Variants in CRYAB observed in about 807,000 individuals in gnomAD.
CRYAB encodes the protein crystallin alpha B.
Under a neutral mutation model 12.7 loss-of-function variants are expected in CRYAB, and 9 were observed. The observed-to-expected ratio is 0.71, with a 90% CI of 0.43 to 1.24. CRYAB has a LOEUF of 1.24. Ranked by LOEUF, CRYAB falls within the 50% of genes most tolerant of loss-of-function variation. CRYAB has a pLI of 0.00. For missense variants in CRYAB, 183 were observed against 226.6 expected, an observed-to-expected ratio of 0.81 and a Z score of 1.24; for synonymous variants, 93 against 86.8, an observed-to-expected ratio of 1.07 and a Z score of -0.40.
chr11:111,918,679 T>C, intron 1 of CRYAB: 1 of 683,610 alleles, frequency 1.5e-6, no homozygotes, highest in East Asian at 2.7e-5. Context: ...CTATCTCAGG[T>C]TTCTTTTTAT....
chr11:111,909,679 G>A (rs1555165338), intron 2 of CRYAB: 2 of 204,298 alleles, frequency 9.8e-6, no homozygotes, highest in East Asian at 1.2e-4. Context: ...GGGCTGTAGG[G>A]GATTAAAGAC....
chr11:111,911,514 G>C lies in CRYAB; in HGVS notation c.201+10C>G, dbSNP rs2137384200. ...AAGGACTCTCCCGTCCTAGCTGTGG[G>C]GAGACTCACCTCTGAGAGTCCAGTG... On this transcript the variant is annotated intron_variant, in intron 1 of 2. Transcript: ENST00000650687. The C allele has an allele frequency of 6.2e-7, 1 of 1,605,110 alleles. No homozygotes were observed. The highest frequency in any genetic ancestry group is 8.5e-7 in the Non-Finnish European group (1 of 1,176,386).
upstream of CRYAB, chr11:111,913,339 C>G: frequency 1.1e-6 from 1 of 890,436 alleles, no homozygotes; most frequent in Non-Finnish European, 1.8e-6. Flanking sequence ...TCCTGACTCC[C>G]CTCTTGCTCT....
intron 1 of CRYAB, among the ~76,000 whole-genome samples, chr11:111,922,804 C>T (rs1965721984): frequency 6.6e-6 from 1 of 152,140 alleles, no homozygotes; most frequent in African/African-American, 2.4e-5. Flanking sequence ...TATGGAATTG[C>T]TACATCAGAG....
chr11:111,912,675 A>AACC, upstream of CRYAB: 2 of 379,180 alleles, frequency 5.3e-6, no homozygotes. Flanking sequence ...CCCCACTCCC[A>AACC]GCCCCTCCCC....
chr11:111,916,365 AG>A (rs1555166128), upstream of CRYAB, among the ~76,000 whole-genome samples: 1 of 151,696 alleles, frequency 6.6e-6, no homozygotes, highest in African/African-American at 2.4e-5. Flanking sequence ...TGAGTAACTG[AG>A]GCTACAGGCA....
At position 111,919,232 on chromosome 11, in the gene CRYAB, T is replaced by C. The variant is rs1965647614; in HGVS notation, c.-199+4471A>G. The C allele has an allele frequency of 5.4e-6, 3 of 559,008 alleles. No individual in the cohort carries two copies. The East Asian group carries it at 9.0e-5, about 17-fold the overall frequency. 34.6% of individuals were successfully genotyped at this position (559,008 alleles called of 1,614,324 possible). The stretch of plus-strand genomic sequence containing the variant: ...GCTCACGCCTCTACTCCCAGCACTT[T>C]GGGAGGCCGAGGCCGGCGGATCACG... On this transcript the variant is annotated intron_variant, in intron 1 of 3. Coordinates refer to the CRYAB transcript ENST00000527950.
upstream of CRYAB, chr11:111,913,405 C>T (rs1847640208): frequency 1.3e-6 from 2 of 1,521,542 alleles, no homozygotes; most frequent in South Asian, 1.2e-5. Context: ...CCTCATCCTC[C>T]CTCATCCTGC....
At position 111,910,343 on chromosome 11, in the gene CRYAB, T is replaced by A; in HGVS notation, c.308A>T (p.Lys103Ile). The A allele has an allele frequency of 6.2e-7, 1 of 1,614,216 alleles. No homozygotes were observed. The highest frequency in any genetic ancestry group is 8.5e-7 in the Non-Finnish European group (1 of 1,180,040). ...GCTACATACCTGGCGCTCTTCATGTTTTCCATGCACCTCAATCACATCTCC... is the reference window on the plus strand; with the variant it reads ...GCTACATACCTGGCGCTCTTCATGTATTCCATGCACCTCAATCACATCTCC... ...VLGDVIEVHGKHEERQDEHGF... is the reference protein window; with the variant it reads ...VLGDVIEVHGIHEERQDEHGF... Residue 103 changes from lysine to isoleucine, a missense_variant, in exon 2 of 3, where the codon AAA (lysine) becomes ATA (isoleucine). Physicochemically the swap from Lys to Ile is moderately radical, Grantham distance 102. Transcript: ENST00000650687.
intron 2 of CRYAB, chr11:111,910,008 C>T (rs373885585): frequency 3.6e-5 from 22 of 612,374 alleles, no homozygotes; most frequent in East Asian, 2.7e-4. Context: ...GGAGTATGCC[C>T]GAGCATTAGG....
chr11:111,916,610 C>T (rs1371461325), upstream of CRYAB, among the ~76,000 whole-genome samples: 1 of 152,210 alleles, frequency 6.6e-6, no homozygotes, highest in Non-Finnish European at 1.5e-5. Flanking sequence ...TGCCTTTTGA[C>T]AACGTAACTT....
At chr11:111,913,019 T>G, upstream of CRYAB, 5 of 841,442 alleles carry the variant, frequency 5.9e-6, no homozygotes, top group South Asian at 6.2e-5. Flanking sequence ...CACTCTGGGC[T>G]TAACTGATCT....
At chr11:111,912,260 C>T (rs2137386323), upstream of CRYAB, 1 of 187,628 alleles carries the variant, frequency 5.3e-6, no homozygotes, top group African/African-American at 2.3e-5. Flanking sequence ...AACATGTCAG[C>T]ACCAGCCATC....
upstream of CRYAB, chr11:111,911,784 G>T (rs1350247560): frequency 7.6e-6 from 9 of 1,178,036 alleles, no homozygotes; most frequent in African/African-American, 1.5e-5. Flanking sequence ...TGCAGCTACA[G>T]CCAGCCCCTT....
At chr11:111,909,824 T>C (rs370851170) in intron 2 of CRYAB, 31 of 289,038 alleles carry the variant, frequency 1.1e-4, no homozygotes, top group African/African-American at 6.1e-4. Context: ...GTTAATGTAA[T>C]TATGCAAAGC....
At chr11:111,922,469 G>A (rs1384492434) in intron 1 of CRYAB, among the ~76,000 whole-genome samples, 1 of 152,024 alleles carries the variant, frequency 6.6e-6, no homozygotes, top group Non-Finnish European at 1.5e-5. Flanking sequence ...CTTCTGCAAC[G>A]AGCAGAAAAT....
chr11:111,917,839 T>C (rs1386059408), upstream of CRYAB, among the ~76,000 whole-genome samples: 3 of 152,030 alleles, frequency 2.0e-5, no homozygotes, highest in Non-Finnish European at 4.4e-5. Flanking sequence ...ACCCTGTCTT[T>C]AAAAATAAAA....
At chr11:111,916,516 C>T (rs1250375984), upstream of CRYAB, among the ~76,000 whole-genome samples, 3 of 152,274 alleles carry the variant, frequency 2.0e-5, no homozygotes, top group Non-Finnish European at 4.4e-5. Flanking sequence ...AGCCACCACA[C>T]CCAGCCATGC....
chr11:111,912,745 C>T (rs901697078), upstream of CRYAB: 2 of 1,063,676 alleles, frequency 1.9e-6, no homozygotes, highest in African/African-American at 1.6e-5. Context: ...TCCTATCGAG[C>T]CCTGGCTCTC....
Sources: gnomAD v4.1 joint callset for allele counts (sites outside exome capture counted in the v4.1 genomes callset) on GRCh38, gnomAD v4.1.1 for gene constraint, MANE v1.5 for transcripts, NCBI Gene and HGNC (gene_info 2026-07-23, HGNC 2026-07-21) for gene names.